WWOX: variants seen among roughly 807,000 people sequenced by gnomAD.
The protein encoded by WWOX is WW domain containing oxidoreductase, also known as WW domain-containing oxidoreductase.
WWOX carries 69 observed loss-of-function variants against 46.2 expected under a neutral mutation model. That is an observed-to-expected ratio of 1.49 (90% CI 1.23 to 1.82). The LOEUF (loss-of-function observed/expected upper bound fraction) is 1.82. Ranked by LOEUF, WWOX falls within the 40% of genes most tolerant of loss-of-function variation. The probability of loss-of-function intolerance (pLI) is 0.00; values close to 1 mark genes in which losing one functional copy is unlikely to be tolerated. For synonymous variants in WWOX, 359 were observed against 202.6 expected, an observed-to-expected ratio of 1.77 and a Z score of -6.56; for missense variants, 919 against 542.6, an observed-to-expected ratio of 1.69 and a Z score of -6.89.
intron 8 of WWOX, among the ~76,000 whole-genome samples, chr16:78,986,138 C>G (rs953288711): frequency 6.6e-6 from 1 of 152,254 alleles, no homozygotes; most frequent in African/African-American, 2.4e-5. Flanking sequence ...AGCACACATA[C>G]ATTCCTGGTT....
intron 8 of WWOX, among the ~76,000 whole-genome samples, chr16:78,790,994 G>C (rs72801910): frequency 0.17 from 23,865 of 141,604 alleles, 2,265 homozygotes; most frequent in African/African-American, 0.26. Flanking sequence ...ACTCCACCCT[G>C]GGTGACAGAT....
At chr16:78,981,035 A>T (rs929430164) in intron 8 of WWOX, among the ~76,000 whole-genome samples, 1 of 152,128 alleles carries the variant, frequency 6.6e-6, no homozygotes, top group Non-Finnish European at 1.5e-5. Context: ...ATCATGGGGC[A>T]TTTTTGTATG....
intron 8 of WWOX, among the ~76,000 whole-genome samples, chr16:78,690,583 G>T (rs2047962491): frequency 6.6e-6 from 1 of 152,100 alleles, no homozygotes; most frequent in Non-Finnish European, 1.5e-5. Flanking sequence ...AATGTTTATT[G>T]AATGAAGACA....
At chr16:78,779,498 G>T (rs1251241137) in intron 8 of WWOX, among the ~76,000 whole-genome samples, 1 of 152,174 alleles carries the variant, frequency 6.6e-6, no homozygotes, top group Non-Finnish European at 1.5e-5. Flanking sequence ...TGCCACTGCA[G>T]AGGATTGCTG....
chr16:79,040,553 G>A (rs1306581099), intron 8 of WWOX, among the ~76,000 whole-genome samples: 2 of 152,134 alleles, frequency 1.3e-5, no homozygotes, highest in East Asian at 1.9e-4. Flanking sequence ...TGGGCTTACA[G>A]GTATCAGCCA....
At chr16:78,705,426 A>G (rs192674776) in intron 8 of WWOX, among the ~76,000 whole-genome samples, 2 of 152,340 alleles carry the variant, frequency 1.3e-5, no homozygotes, top group South Asian at 2.1e-4. Context: ...AAGTGGCTGT[A>G]AAAATGCGTT....
chr16:78,858,125 A>G (rs959588853), intron 8 of WWOX, among the ~76,000 whole-genome samples: 1 of 141,362 alleles, frequency 7.1e-6, no homozygotes. Flanking sequence ...AGATACCTCT[A>G]TATACATACA....
chr16:78,865,006 AC>A (rs1367698153), intron 8 of WWOX, among the ~76,000 whole-genome samples: 1 of 150,842 alleles, frequency 6.6e-6, no homozygotes, highest in Non-Finnish European at 1.5e-5. Flanking sequence ...CAAGTGATCC[AC>A]CCATCTTGGC....
At chr16:79,164,511 G>T (rs111460947) in intron 8 of WWOX, among the ~76,000 whole-genome samples, 31 of 152,234 alleles carry the variant, frequency 2.0e-4, no homozygotes, top group African/African-American at 7.2e-4. Flanking sequence ...GAGGCCACCA[G>T]GCATCAGCGC....
intron 5 of WWOX, among the ~76,000 whole-genome samples, chr16:78,259,634 A>G (rs1416798168): frequency 6.6e-6 from 1 of 151,676 alleles, no homozygotes; most frequent in Non-Finnish European, 1.5e-5. Context: ...TTATAAATGT[A>G]AAATTAACTT....
chr16:79,078,075 C>G (rs938450486), intron 8 of WWOX: 30 of 152,250 alleles, frequency 2.0e-4, no homozygotes, highest in African/African-American at 6.5e-4. Context: ...GTCCCCTCCC[C>G]AGATTTTTTT....
rs960482582 is a variant in WWOX at position 78,873,885 on chromosome 16, A to G, written c.1057-337723A>G. On this transcript the variant is annotated intron_variant, in intron 8 of 8. Transcript: ENST00000566780. The stretch of plus-strand genomic sequence containing the variant: ...GTCCCTGGGAGTATAGCGAGGGGCA[A>G]TCACAGGTCAGGTCCTAGTGTCTCT... Among the ~76,000 whole-genome samples the G allele has an allele frequency of 3.3e-5, 5 of 152,124 alleles. No individual in the cohort carries two copies. In the East Asian group the frequency reaches 5.8e-4, roughly 18 times the overall value.
chr16:78,234,805 A>C lies in WWOX; in HGVS notation c.516+70516A>C, dbSNP rs200717998. ...ACAAAACAAAACAAAAAAACAACAA[A>C]AAAAAACCCACACAGGTCTCATCAG... On this transcript the variant is annotated intron_variant, in intron 5 of 8. Coordinates refer to ENST00000566780, the MANE Select transcript of WWOX (RefSeq NM_016373.4). Among the ~76,000 whole-genome samples the C allele has an allele frequency of 1.4e-3, 188 of 132,460 alleles. 1 individual carries two copies. The highest frequency in any genetic ancestry group is 9.3e-3 in the Admixed American group (123 of 13,182). The allele number at this position is 132,460 out of a possible 152,430, so 86.9% of individuals were successfully genotyped here. A position where few individuals can be genotyped will look rare whatever the true frequency, so the allele number is the denominator to read the frequency against.
At chr16:78,730,317 C>T (rs957229574) in intron 8 of WWOX, among the ~76,000 whole-genome samples, 6 of 152,000 alleles carry the variant, frequency 3.9e-5, no homozygotes, top group Non-Finnish European at 8.8e-5. Context: ...CCCTCTCTGC[C>T]TCCTTCCTTT....
intron 8 of WWOX, among the ~76,000 whole-genome samples, chr16:78,584,116 G>A (rs1385681698): frequency 2.0e-5 from 3 of 152,204 alleles, no homozygotes; most frequent in Non-Finnish European, 4.4e-5. Flanking sequence ...ACACTGGACT[G>A]TAAGATCCAT....
chr16:78,619,480 A>G (rs1008938628), intron 8 of WWOX, among the ~76,000 whole-genome samples: 1 of 151,458 alleles, frequency 6.6e-6, no homozygotes, highest in African/African-American at 2.4e-5. Flanking sequence ...TGTTATACAC[A>G]GAATAATTAC....
chr16:78,666,273 A>T (rs1420023744), intron 8 of WWOX, among the ~76,000 whole-genome samples: 2 of 152,048 alleles, frequency 1.3e-5, no homozygotes, highest in Non-Finnish European at 2.9e-5. Context: ...TGGGTGACAG[A>T]GCAAGACACT....
chr16:78,865,748 C>G (rs1169697289), intron 8 of WWOX, among the ~76,000 whole-genome samples: 48 of 152,124 alleles, frequency 3.2e-4, no homozygotes, highest in Admixed American at 3.1e-3. Context: ...TGCTTGGTGG[C>G]AAGTGCCTGT....
chr16:79,044,945 A>G (rs1567510991), intron 8 of WWOX, among the ~76,000 whole-genome samples: 1 of 152,192 alleles, frequency 6.6e-6, no homozygotes, highest in Admixed American at 6.5e-5. Flanking sequence ...ACAATAATCA[A>G]TGAGATAATG....
Sources: gnomAD v4.1 joint callset for allele counts (sites outside exome capture counted in the v4.1 genomes callset) on GRCh38, gnomAD v4.1.1 for gene constraint, MANE v1.5 for transcripts, NCBI Gene and HGNC (gene_info 2026-07-23, HGNC 2026-07-21) for gene names.